Variants in USP9X observed in about 807,000 individuals in gnomAD.
The protein encoded by USP9X is ubiquitin carboxyl-terminal hydrolase 9X.
USP9X carries 7 observed loss-of-function variants against 190.3 expected under a neutral mutation model. The ratio of observed to expected loss-of-function variants is 0.04; its 90% CI spans 0.02 to 0.07. The LOEUF is 0.07. Ranked by LOEUF, USP9X falls within the 10% of genes least tolerant of loss-of-function variation. USP9X has a pLI of 1.00. For synonymous variants in USP9X, 645 were observed against 659.5 expected, an observed-to-expected ratio of 0.98 and a Z score of 0.34; for missense variants, 1,010 against 1,916.9, an observed-to-expected ratio of 0.53 and a Z score of 8.83.
In USP9X at chrX:41,129,124, A is replaced by C; in HGVS notation, c.221A>C (p.Lys74Thr). The C allele has an allele frequency of 8.3e-7, 1 of 1,209,444 alleles. No homozygotes were observed. ...GCATTTCCACATACTGACTTGGCCAAGTTGGATGACATGATCAACAGGTGA... is the reference window on the plus strand; with the variant it reads ...GCATTTCCACATACTGACTTGGCCACGTTGGATGACATGATCAACAGGTGA... ...EPAFPHTDLA[K>T]LDDMINRPRW... is the part of the protein sequence containing the mutation. Residue 74 changes from lysine (K) to threonine (T), a missense_variant, in exon 3 of 45, where the codon AAG (lysine) becomes ACG (threonine). Around this residue, in one of 11 missense-constraint regions of USP9X, gnomAD observed 176 missense variants for 247.5 expected, o/e 0.71. Coordinates refer to ENST00000378308, the MANE Select transcript of USP9X (RefSeq NM_001039591.3).
At chrX:41,230,472 A>T in intron 43 of USP9X, 29 bp from the exon 44 acceptor site, 1 of 1,177,121 alleles carries the variant, frequency 8.5e-7, no homozygotes, top group Non-Finnish European at 1.2e-6. Context: ...TGCCTACGTA[A>T]TTTTTTATCT....
chrX:41,203,020 T>G, intron 31 of USP9X, among the ~76,000 whole-genome samples: 1 of 111,535 alleles, frequency 9.0e-6, no homozygotes, highest in East Asian at 2.8e-4. Context: ...AGGGACTGGT[T>G]GTTGTCTATT....
intron 21 of USP9X, among the ~76,000 whole-genome samples, chrX:41,182,274 G>T (rs1030396529): frequency 9.0e-6 from 1 of 111,254 alleles, no homozygotes; most frequent in African/African-American, 3.3e-5. Flanking sequence ...TACTCAGAAG[G>T]CTGAGATGGG....
intron 43 of USP9X, 150 bp from the exon 44 acceptor site, chrX:41,230,351 G>GTTTT: frequency 4.0e-6 from 1 of 250,438 alleles, no homozygotes; most frequent in Non-Finnish European, 6.6e-6. Flanking sequence ...TTTTTTTTTT[G>GTTTT]TTTTTTCCCC....
intron 23 of USP9X, among the ~76,000 whole-genome samples, chrX:41,186,168 C>T (rs1473916521): frequency 1.8e-5 from 2 of 110,557 alleles, no homozygotes; most frequent in African/African-American, 6.6e-5. Flanking sequence ...CAAGCAGGGT[C>T]TGCCCAAGGC....
intron 38 of USP9X, 95 bp from the exon 39 acceptor site, chrX:41,223,122 C>G: frequency 2.4e-6 from 2 of 823,258 alleles, no homozygotes; most frequent in Non-Finnish European, 3.4e-6. Flanking sequence ...TTTTGTATAA[C>G]TACTTGTTTT....
chrX:41,103,773 A>G (rs2062050583), intron 1 of USP9X, among the ~76,000 whole-genome samples: 1 of 111,904 alleles, frequency 8.9e-6, no homozygotes, highest in Non-Finnish European at 1.9e-5. Flanking sequence ...GAGCCAGCTT[A>G]CTTAATATTA....
At chrX:41,192,793 A>G in intron 26 of USP9X, among the ~76,000 whole-genome samples, 1 of 111,589 alleles carries the variant, frequency 9.0e-6, no homozygotes, top group Non-Finnish European at 1.9e-5. Flanking sequence ...CTAGGAGCTT[A>G]CATGCCAAAA....
intron 6 of USP9X, among the ~76,000 whole-genome samples, chrX:41,140,427 TACAG>T (rs1286163847): frequency 1.8e-5 from 2 of 111,573 alleles, no homozygotes; most frequent in Non-Finnish European, 3.8e-5. Context: ...CTTACATTGG[TACAG>T]ACAGACAGAA....
At chrX:41,105,751 A>G (rs2062064452) in intron 1 of USP9X, among the ~76,000 whole-genome samples, 1 of 112,022 alleles carries the variant, frequency 8.9e-6, no homozygotes, top group Admixed American at 9.5e-5. Flanking sequence ...GCACCATTTT[A>G]CATTTCTTCC....
chrX:41,130,152 T>G (rs764703493), intron 3 of USP9X, among the ~76,000 whole-genome samples: 32 of 112,079 alleles, frequency 2.9e-4, no homozygotes, highest in African/African-American at 8.4e-4. Context: ...TTACTATAAT[T>G]TTGTAACTTG....
intron 9 of USP9X, among the ~76,000 whole-genome samples, chrX:41,142,531 G>C (rs2062431973): frequency 9.0e-6 from 1 of 111,628 alleles, no homozygotes; most frequent in Non-Finnish European, 1.9e-5. Context: ...ATCTGCAACA[G>C]ATTAGACATT....
chrX:41,186,740 G>C (rs182711814), intron 24 of USP9X, 98 bp downstream of exon 24: 1 of 942,795 alleles, frequency 1.1e-6, no homozygotes, highest in African/African-American at 2.0e-5. Context: ...CTTAATATCA[G>C]TTTTGTCTAC....
At chrX:41,186,786 T>C in intron 24 of USP9X, 144 bp downstream of exon 24, 1 of 696,308 alleles carries the variant, frequency 1.4e-6, no homozygotes, top group Non-Finnish European at 2.1e-6. Context: ...TAATCAACTT[T>C]ATGTATAATA....
At chrX:41,099,093 A>ATTTTTTTTTTT (rs1569147006) in intron 1 of USP9X, among the ~76,000 whole-genome samples, 12 of 47,353 alleles carry the variant, frequency 2.5e-4, no homozygotes, top group East Asian at 9.3e-4. Flanking sequence ...TGCCCAGATA[A>ATTTTTTTTTTT]TTGTTTTTTT....
At chrX:41,180,525 G>A (rs1406868) in intron 21 of USP9X, among the ~76,000 whole-genome samples, 15,316 of 111,935 alleles carry the variant, frequency 0.14, 952 homozygotes, top group East Asian at 0.22. Context: ...GGTAATGGTT[G>A]TATTGCAGCA....
At position 41,213,403 on chromosome X, in the gene USP9X, A is replaced by G. The variant is rs572682845; in HGVS notation, c.5190-1165A>G. Among the ~76,000 whole-genome samples, 6 of 112,358 alleles carry G rather than the reference A, an allele frequency of 5.3e-5. No homozygotes were observed. The South Asian group carries it at 2.2e-3, about 41-fold the overall frequency. ...GAATTACATGAATCTTTGTGTTACA[A>G]GATTTTGCCCAACTGTAGGCTAATA... is the stretch of plus-strand genomic sequence containing the variant. On this transcript the variant is annotated intron_variant, in intron 33 of 44. Transcript: ENST00000378308.
chrX:41,200,721 T>C (rs2063034351), intron 30 of USP9X, among the ~76,000 whole-genome samples: 1 of 112,318 alleles, frequency 8.9e-6, no homozygotes, highest in Non-Finnish European at 1.9e-5. Context: ...GTATCAAATA[T>C]TAAGAAAGTG....
chrX:41,167,312 C>T, intron 16 of USP9X, 170 bp from the exon 17 acceptor site: 3 of 333,797 alleles, frequency 9.0e-6, no homozygotes, highest in Non-Finnish European at 1.1e-5. Context: ...CATTTATTAC[C>T]CTTTCTTTTG....
Sources: allele counts gnomAD v4.1 joint callset (sites outside exome capture counted in the v4.1 genomes callset), GRCh38; gene constraint gnomAD v4.1.1; regional missense constraint gnomAD v4.1.1; transcripts MANE v1.5; gene names NCBI Gene and HGNC (gene_info 2026-07-23, HGNC 2026-07-21).